COL4A4: variants seen among roughly 807,000 people sequenced by gnomAD.
The protein encoded by COL4A4 is collagen alpha-4(IV) chain.
A neutral mutation model predicts 192.9 loss-of-function variants in COL4A4; 105 were observed. That is an observed-to-expected ratio of 0.54 (90% confidence interval 0.46 to 0.64). The LOEUF (loss-of-function observed/expected upper bound fraction) is 0.64. Among genes scored for constraint, COL4A4 ranks in the 30% least tolerant of loss-of-function variants. The pLI, the probability that COL4A4 is intolerant of heterozygous loss-of-function variation, is 0.00. For missense variants in COL4A4, 1,967 were observed against 2,169.3 expected (o/e 0.91, Z 1.85); for synonymous variants, 762 against 769.9 (o/e 0.99, Z 0.17).
In COL4A4 at chr2:227,099,838, C is replaced by T. The variant is rs2894632; in HGVS notation, c.1030-149G>A. ...TAGAGAAATGAAGCATCCATGGAGT[C>T]TTAGGAGCAGCAAAGATGCATCTAA... On this transcript the variant is annotated intron_variant, in intron 17 of 47. Coordinates refer to ENST00000396625, the MANE Select transcript of COL4A4 (RefSeq NM_000092.5). The T allele has an allele frequency of 0.075, 54,140 of 722,088 alleles. 3,271 individuals are homozygous for T. The highest frequency in any genetic ancestry group is 0.25 in the East Asian group (9,294 of 36,644). The allele number at this position is 722,088 out of a possible 1,614,324, so 44.7% of individuals were successfully genotyped here.
Position 227,098,769 on chromosome 2 carries a change from G to A in COL4A4, c.1129C>T (p.Arg377Cys), listed in dbSNP as rs555143841. ...GPPGDPGFPG[R>C]YGETGDVGPP... ...CCAACATCCCCTGTTTCTCCATAGC[G>A]GCCAGGGAACCCTGGGTCCCCTGGT... is the stretch of plus-strand genomic sequence containing the variant. Residue 377 changes from arginine to cysteine, a missense_variant, in exon 19 of 48, where the codon CGC (arginine) becomes TGC (cysteine). Coordinates refer to ENST00000396625, the MANE Select transcript of COL4A4 (RefSeq NM_000092.5). 1.8e-5 allele frequency: 29 copies of A among 1,614,028 alleles called. No individual in the cohort carries two copies. The highest frequency in any genetic ancestry group is 1.6e-4 in the African/African-American group (12 of 75,040).
the COL4A4 span, among the ~76,000 whole-genome samples, chr2:226,973,962 C>T: frequency 1.3e-5 from 2 of 152,198 alleles, no homozygotes; most frequent in African/African-American, 4.8e-5. Context: ...GGCTGCCTCT[C>T]TGCAATGAGC....
chr2:227,129,221 G>A (rs6708440), intron 4 of COL4A4, among the ~76,000 whole-genome samples: 54,949 of 151,728 alleles, frequency 0.36, 10,319 homozygotes, highest in Non-Finnish European at 0.41. Context: ...AGGACCTGAG[G>A]CTGTTCAGTT....
chr2:227,150,664 T>C (rs1336656700), intron 1 of COL4A4, among the ~76,000 whole-genome samples: 1 of 152,186 alleles, frequency 6.6e-6, no homozygotes, highest in Non-Finnish European at 1.5e-5. Flanking sequence ...TTTACACTCA[T>C]AGCAGAAGGC....
Position 227,059,490 on chromosome 2 carries a change from G to A in COL4A4, c.2298C>T (p.His766=), listed in dbSNP as rs1440345897. 6.2e-7 allele frequency: 1 copy of A among 1,614,078 alleles called. No individual in the cohort carries two copies. The highest frequency in any genetic ancestry group is 8.5e-7 in the Non-Finnish European group (1 of 1,180,018). ...GACCCCTCTTTCCCGGGGGTCCCAG[G>A]TGACCAAATGCAGGGTCTCCCGGGA... ...KGIPGDPAFG[H]LGPPGKRGLS... is the part of the protein sequence containing the mutation. The change falls in exon 28 of 48, where the codon CAC becomes CAT. Residue 766 remains histidine (H), a synonymous_variant. Transcript: ENST00000396625.
Position 227,043,080 on chromosome 2 carries a change from G to C in COL4A4, c.3394C>G (p.Pro1132Ala), listed in dbSNP as rs367878725. The C allele has an allele frequency of 6.2e-7, 1 of 1,611,624 alleles. No homozygotes were observed. Among genetic ancestry groups the C allele is most frequent in the Admixed American group, 1.7e-5 (1 of 59,988 alleles). ...TCCAGATTTCCTTTCAAGGTACCTG[G>C]GCACCCTGGTGGTCCAGAGGAGCCA... ...PPGSSGPPGC[P>A]GDHGMPGLRG... Residue 1132 changes from proline to alanine, a missense_variant, in exon 36 of 48, where the codon CCA (proline) becomes GCA (alanine). Coordinates refer to ENST00000396625, the MANE Select transcript of COL4A4 (RefSeq NM_000092.5).
chr2:227,052,458 AC>A, intron 31 of COL4A4, 46 bp from the exon 32 acceptor site: 1 of 1,114,344 alleles, frequency 9.0e-7, no homozygotes, highest in Non-Finnish European at 1.4e-6. Context: ...GGAACATCAC[AC>A]ACATAATTTA....
At chr2:227,025,256 T>C (rs776257896) in intron 43 of COL4A4, among the ~76,000 whole-genome samples, 2 of 152,226 alleles carry the variant, frequency 1.3e-5, no homozygotes, top group Non-Finnish European at 2.9e-5. Context: ...TTGATTTTCT[T>C]TGAAAATGCC....
rs2061908218 is a variant in COL4A4, at chr2:227,123,320, C to T, written c.193-2172G>A. 6.6e-6 allele frequency among the ~76,000 whole-genome samples: 1 copy of T among 152,192 alleles called. No individual in the cohort carries two copies. The highest frequency in any genetic ancestry group is 2.4e-5 in the African/African-American group (1 of 41,440). The stretch of plus-strand genomic sequence containing the variant: ...CGGAAATCCACGGGAAAGGCACCAA[C>T]CTGAGACTCAGTGAATAAATTAGGG... On this transcript the variant is annotated intron_variant, in intron 4 of 47. Transcript: ENST00000396625. The surrounding 1 kb of genome is among the most constrained non-coding windows in gnomAD (Gnocchi z 4.6).
At chr2:227,109,986 G>A (rs765211745) in intron 9 of COL4A4, among the ~76,000 whole-genome samples, 4 of 152,100 alleles carry the variant, frequency 2.6e-5, no homozygotes, top group Non-Finnish European at 5.9e-5. Context: ...ATATATTAAT[G>A]TATTTATACT....
At chr2:227,001,085 TTTC>T (rs1490480934), downstream of COL4A4, among the ~76,000 whole-genome samples, 2 of 151,462 alleles carry the variant, frequency 1.3e-5, no homozygotes, top group Non-Finnish European at 2.9e-5. Context: ...CTGGTTTTCA[TTTC>T]TTTTCTTTTT....
At chr2:227,086,174 G>C (rs182557763) in intron 22 of COL4A4, among the ~76,000 whole-genome samples, 78 of 152,310 alleles carry the variant, frequency 5.1e-4, no homozygotes, top group Admixed American at 1.2e-3. Context: ...TGAATGCAAA[G>C]ACTTGGTTCA....
chr2:227,094,050 C>T, intron 20 of COL4A4, 75 bp downstream of exon 20: 1 of 1,365,622 alleles, frequency 7.3e-7, no homozygotes. Context: ...ATTTTAAAAA[C>T]TATGCTTTCT....
chr2:227,050,500 G>A lies in COL4A4; in HGVS notation c.3151-369C>T, dbSNP rs76237570. On this transcript the variant is annotated intron_variant, in intron 33 of 47. Coordinates refer to ENST00000396625, the MANE Select transcript of COL4A4 (RefSeq NM_000092.5). ...CAAATCCATTTCATTCCAAAAGATG[G>A]ATAGTGAGTTACGTGTTTTCCAGAA... Among the ~76,000 whole-genome samples the A allele has an allele frequency of 5.3e-3, 802 of 152,326 alleles. 3 individuals carry two copies. Among genetic ancestry groups the A allele is most frequent in the Non-Finnish European group, 9.0e-3 (613 of 68,024 alleles).
rs113408164 is a variant in COL4A4 at position 227,111,467 on chromosome 2, T to C, written c.594+211A>G. On this transcript the variant is annotated intron_variant, in intron 9 of 47. Transcript: ENST00000396625. Reference sequence around the variant, plus strand: ...AGCTTCAAGTACAGCTTCATGGGCATGAGACTGGTGCAGTTACACAGGGCC... The same window carrying C: ...AGCTTCAAGTACAGCTTCATGGGCACGAGACTGGTGCAGTTACACAGGGCC... Among the ~76,000 whole-genome samples the C allele has an allele frequency of 6.7e-4, 102 of 152,308 alleles. 1 individual carries two copies. The highest frequency in any genetic ancestry group is 2.3e-3 in the African/African-American group (95 of 41,578).
chr2:227,079,342 TG>T (rs1220764724), intron 24 of COL4A4, among the ~76,000 whole-genome samples: 4 of 152,202 alleles, frequency 2.6e-5, no homozygotes, highest in Non-Finnish European at 4.4e-5. Flanking sequence ...CACAATTAGA[TG>T]AGTACATTAT....
intron 8 of COL4A4, among the ~76,000 whole-genome samples, chr2:227,112,050 T>C (rs1404687549): frequency 2.6e-5 from 4 of 152,166 alleles, no homozygotes; most frequent in African/African-American, 7.2e-5. Context: ...CACACCTTGC[T>C]ATGCTTTATA....
intron 41 of COL4A4, among the ~76,000 whole-genome samples, chr2:227,029,125 G>A (rs1033473097): frequency 6.6e-6 from 1 of 152,216 alleles, no homozygotes; most frequent in Non-Finnish European, 1.5e-5. Flanking sequence ...TCTCTGGACT[G>A]GGAGTCAAGA....
At chr2:226,992,492 G>A in the COL4A4 span, among the ~76,000 whole-genome samples, 9 of 152,064 alleles carry the variant, frequency 5.9e-5, no homozygotes, top group South Asian at 6.2e-4. Flanking sequence ...ATTACAAATC[G>A]GGCATTATTG....
Sources: gnomAD v4.1 joint callset for allele counts (sites outside exome capture counted in the v4.1 genomes callset) on GRCh38, gnomAD v4.1.1 for gene constraint, Gnocchi (gnomAD v3.1) non-coding constraint, MANE v1.5 for transcripts, NCBI Gene and HGNC (gene_info 2026-07-23, HGNC 2026-07-21) for gene names.